Variants in SENP6 observed in about 807,000 individuals in gnomAD.
SENP6 encodes SUMO specific peptidase 6.
In SENP6, 41 loss-of-function variants were observed where a neutral mutation model predicts 134.5. The observed-to-expected ratio is 0.30, with a 90% CI of 0.24 to 0.40. The LOEUF is 0.40. Ranked by LOEUF, SENP6 falls within the 10% of genes least tolerant of loss-of-function variation. SENP6 has a pLI of 1.00. For missense variants in SENP6, 1,248 were observed against 1,312.5 expected (o/e 0.95, Z 0.76); for synonymous variants, 395 against 429.8 (o/e 0.92, Z 1.00).
intron 16 of SENP6, among the ~76,000 whole-genome samples, chr6:75,682,855 G>A (rs1344808700): frequency 1.3e-5 from 2 of 152,010 alleles, no homozygotes; most frequent in African/African-American, 4.8e-5. Context: ...GAATAGTGCC[G>A]CAATAAACAT....
At chr6:75,631,867 C>G (rs756183940) in intron 3 of SENP6, among the ~76,000 whole-genome samples, 2 of 152,114 alleles carry the variant, frequency 1.3e-5, no homozygotes, top group Non-Finnish European at 2.9e-5. Context: ...TTAAAGACTC[C>G]CAGTGAATGA....
chr6:75,633,292 C>T (rs527504998), intron 3 of SENP6, among the ~76,000 whole-genome samples: 1 of 152,246 alleles, frequency 6.6e-6, no homozygotes, highest in African/African-American at 2.4e-5. Flanking sequence ...TTTTTACTCT[C>T]TGGAGAAAGC....
intron 21 of SENP6, among the ~76,000 whole-genome samples, chr6:75,712,711 C>T (rs940210663): frequency 6.6e-6 from 1 of 151,678 alleles, no homozygotes; most frequent in South Asian, 2.1e-4. Context: ...GAGTGTTCTA[C>T]AGAGTGTTCT....
At chr6:75,647,018 C>G (rs1032528260) in intron 6 of SENP6, among the ~76,000 whole-genome samples, 1 of 152,022 alleles carries the variant, frequency 6.6e-6, no homozygotes, top group South Asian at 2.1e-4. Context: ...GAAATGAAAG[C>G]TATGATTTAC....
At chr6:75,629,875 A>G (rs1285540598) in intron 3 of SENP6, among the ~76,000 whole-genome samples, 1 of 152,168 alleles carries the variant, frequency 6.6e-6, no homozygotes, top group African/African-American at 2.4e-5. Flanking sequence ...TCCCACATGT[A>G]TGCTTTGATT....
Position 75,631,787 on chromosome 6 carries a change from G to A in SENP6, c.208-1794G>A, listed in dbSNP as rs542515173. 8.5e-5 allele frequency among the ~76,000 whole-genome samples: 13 copies of A among 152,314 alleles called. No homozygotes were observed. The South Asian group carries it at 2.7e-3, about 32-fold the overall frequency. On this transcript the variant is annotated intron_variant, in intron 3 of 23. Transcript: ENST00000447266. The stretch of plus-strand genomic sequence containing the variant: ...TTACTTTTAGCCCTTGGCAGAAAAA[G>A]TTTGCTGATCCCTGTATCAGTGTTT...
intron 5 of SENP6, among the ~76,000 whole-genome samples, chr6:75,635,439 T>A (rs1475417801): frequency 2.0e-5 from 3 of 152,148 alleles, no homozygotes; most frequent in African/African-American, 7.2e-5. Context: ...TAGTAACATT[T>A]TAAGATTTGG....
chr6:75,681,882 T>C (rs1002129201), intron 16 of SENP6, among the ~76,000 whole-genome samples: 2 of 150,776 alleles, frequency 1.3e-5, no homozygotes, highest in Non-Finnish European at 3.0e-5. Context: ...AACAAAAATA[T>C]AAAAAACAAG....
In SENP6 at chr6:75,635,012, A is replaced by G. The variant is rs1449249655; in HGVS notation, c.458+201A>G. 13 of 646,544 alleles carry G rather than the reference A, an allele frequency of 2.0e-5. No individual in the cohort carries two copies. In the East Asian group the frequency reaches 3.9e-4, roughly 19 times the overall value. The allele number at this position is 646,544 out of a possible 1,614,324, so 40.1% of individuals were successfully genotyped here. A position where few individuals can be genotyped will look rare whatever the true frequency, so the allele number is the denominator to read the frequency against. On this transcript the variant is annotated intron_variant, in intron 5 of 23. Transcript: ENST00000447266. ...AGTAATCAGATTCTGTAAATAGAGA[A>G]TTTTTCACTAAGACCTGTTGTATTG...
chr6:75,681,866 C>A (rs949431244), intron 16 of SENP6, among the ~76,000 whole-genome samples: 1 of 150,926 alleles, frequency 6.6e-6, no homozygotes, highest in African/African-American at 2.4e-5. Flanking sequence ...CTCATCTCTA[C>A]AAAAAAACAA....
intron 8 of SENP6, among the ~76,000 whole-genome samples, chr6:75,660,695 C>T (rs116327029): frequency 0.021 from 3,195 of 151,852 alleles, 115 homozygotes; most frequent in African/African-American, 0.073. Context: ...TTGAGTGGAG[C>T]GATCTCGGCT....
intron 11 of SENP6, among the ~76,000 whole-genome samples, chr6:75,673,075 T>C (rs1428090529): frequency 2.6e-5 from 4 of 152,096 alleles, no homozygotes; most frequent in Non-Finnish European, 5.9e-5. Flanking sequence ...GATCCGCCCA[T>C]CTCGGCCTCC....
intron 5 of SENP6, among the ~76,000 whole-genome samples, chr6:75,639,231 T>G (rs1769840398): frequency 6.6e-6 from 1 of 152,218 alleles, no homozygotes; most frequent in Non-Finnish European, 1.5e-5. Context: ...TTTAAACTTT[T>G]ATGTTTATAT....
Position 75,675,476 on chromosome 6 carries a change from A to G in SENP6, c.1426+8A>G, listed in dbSNP as rs192889113. On this transcript the variant is annotated splice_region_variant and intron_variant, in intron 12 of 23. Coordinates refer to ENST00000447266, the MANE Select transcript of SENP6 (RefSeq NM_015571.4). ...TCAAGATACAGCTAGACGGTAAGCT[A>G]TTTTATGTCTTTTTACTTACCAAAG... The G allele has an allele frequency of 5.6e-6, 8 of 1,436,018 alleles. No individual in the cohort carries two copies. The Admixed American group carries it at 1.1e-4, about 19-fold the overall frequency. 89.0% of individuals were successfully genotyped at this position (1,436,018 alleles called of 1,614,324 possible).
At chr6:75,674,615 C>G (rs1367779886) in intron 11 of SENP6, among the ~76,000 whole-genome samples, 1 of 152,146 alleles carries the variant, frequency 6.6e-6, no homozygotes, top group East Asian at 1.9e-4. Context: ...CTGCCAGTAC[C>G]CATGCTTAAT....
intron 16 of SENP6, among the ~76,000 whole-genome samples, chr6:75,683,734 CT>C (rs1259697002): frequency 1.3e-5 from 2 of 152,146 alleles, no homozygotes; most frequent in Non-Finnish European, 2.9e-5. Context: ...TCTCAGGCCT[CT>C]TTTCTGTTCC....
At chr6:75,682,425 C>A (rs1554174934) in intron 16 of SENP6, among the ~76,000 whole-genome samples, 1 of 150,856 alleles carries the variant, frequency 6.6e-6, no homozygotes, top group Non-Finnish European at 1.5e-5. Flanking sequence ...TTTAATTATA[C>A]TTTAAGATCT....
At position 75,709,620 on chromosome 6, in the gene SENP6, A is replaced by G. The variant is rs951109968; in HGVS notation, c.2810A>G (p.Gln937Arg). 1.2e-6 allele frequency: 2 copies of G among 1,612,594 alleles called. No homozygotes were observed. The highest frequency in any genetic ancestry group is 2.2e-5 in the East Asian group (1 of 44,836). ...EDELVDFSEDQDNQDDSSDDG... is the reference protein window; with the variant it reads ...EDELVDFSEDRDNQDDSSDDG... Reference sequence around the variant, plus strand: ...GAACTCGTCGACTTCTCAGAAGATCAGGATAACCAGGTAAAACTTAATGCT... The same window carrying G: ...GAACTCGTCGACTTCTCAGAAGATCGGGATAACCAGGTAAAACTTAATGCT... Residue 937 changes from glutamine (Q) to arginine (R), a missense_variant, in exon 20 of 24, where the codon CAG becomes CGG. Physicochemically the swap from Gln to Arg is conservative, Grantham distance 43. Coordinates refer to ENST00000447266, the MANE Select transcript of SENP6 (RefSeq NM_015571.4).
chr6:75,695,945 T>G (rs760920815), intron 17 of SENP6, 22 bp downstream of exon 17: 3 of 1,566,698 alleles, frequency 1.9e-6, no homozygotes, highest in South Asian at 2.4e-5. Flanking sequence ...TCTGAAAATA[T>G]TTAACAGATG....
Sources: gnomAD v4.1 joint callset for allele counts (sites outside exome capture counted in the v4.1 genomes callset) on GRCh38, gnomAD v4.1.1 for gene constraint, MANE v1.5 for transcripts, NCBI Gene and HGNC (gene_info 2026-07-23, HGNC 2026-07-21) for gene names.